The following FGF13 variants were observed in gnomAD, a reference collection of about 807,000 sequenced individuals.
FGF13 encodes the protein fibroblast growth factor 13.
A neutral mutation model predicts 19.5 loss-of-function variants in FGF13; 2 were observed. The observed-to-expected ratio is 0.10, with a 90% CI of 0.04 to 0.32. The LOEUF (loss-of-function observed/expected upper bound fraction) is 0.32. Ranked by LOEUF, FGF13 falls within the 10% of genes least tolerant of loss-of-function variation. The probability of loss-of-function intolerance (pLI) is 1.00; values close to 1 mark genes in which losing one functional copy is unlikely to be tolerated. For synonymous variants in FGF13, 72 were observed against 76.9 expected (o/e 0.94, Z 0.33); for missense variants, 113 against 192.7 (o/e 0.59, Z 2.45).
At chrX:138,838,195 G>T (rs890675839) in intron 3 of FGF13, among the ~76,000 whole-genome samples, 19 of 111,961 alleles carry the variant, frequency 1.7e-4, no homozygotes, top group African/African-American at 5.8e-4. Flanking sequence ...ATCCTGTGAG[G>T]CACAGTGGAA....
chrX:138,849,852 A>G (rs918091466), intron 3 of FGF13, among the ~76,000 whole-genome samples: 2 of 112,003 alleles, frequency 1.8e-5, no homozygotes, highest in African/African-American at 3.2e-5. Context: ...TTGACTTTTT[A>G]AAATCAAAAT....
intron 3 of FGF13, among the ~76,000 whole-genome samples, chrX:138,805,482 A>G (rs1261105494): frequency 9.0e-6 from 1 of 111,215 alleles, no homozygotes; most frequent in Non-Finnish European, 1.9e-5. Flanking sequence ...TAAATGCAAC[A>G]TTTGATTGGA....
Position 139,020,725 on chromosome X carries a change from C to T in FGF13, c.-112-156075G>A, listed in dbSNP as rs140367402. ...AATAATGTGATTAATGGTCAAGTCA[C>T]ATTCTTTAGTTTCTGTTCTTCCCAA... On this transcript the variant is annotated intron_variant, in intron 1 of 2. Coordinates refer to the FGF13 transcript ENST00000421460. 9.4e-3 allele frequency among the ~76,000 whole-genome samples: 1,050 copies of T among 111,671 alleles called. 10 individuals carry two copies. Among genetic ancestry groups the T allele is most frequent in the African/African-American group, 0.032 (974 of 30,764 alleles).
At chrX:138,992,207 T>A (rs1945204833) in intron 1 of FGF13, among the ~76,000 whole-genome samples, 1 of 111,170 alleles carries the variant, frequency 9.0e-6, no homozygotes, top group Non-Finnish European at 1.9e-5. Context: ...AGCTGTCGAT[T>A]TAGGAGTTCT....
intron 3 of FGF13, among the ~76,000 whole-genome samples, chrX:138,837,462 G>A (rs149587024): frequency 2.1e-4 from 24 of 111,953 alleles, no homozygotes; most frequent in African/African-American, 7.8e-4. Flanking sequence ...CCACATTTTC[G>A]TGGGTCTACT....
At chrX:138,751,110 T>A (rs753874145) in intron 3 of FGF13, among the ~76,000 whole-genome samples, 2 of 111,556 alleles carry the variant, frequency 1.8e-5, no homozygotes, top group Non-Finnish European at 3.8e-5. Context: ...CTGGCTTTTG[T>A]CATTAGAAGA....
chrX:138,796,448 C>T (rs924700519), intron 3 of FGF13, among the ~76,000 whole-genome samples: 1 of 112,148 alleles, frequency 8.9e-6, no homozygotes, highest in Non-Finnish European at 1.9e-5. Flanking sequence ...GTATGTGCCA[C>T]ATTTTCTTTA....
chrX:138,784,219 G>A (rs1244651046), intron 3 of FGF13, among the ~76,000 whole-genome samples: 1 of 99,304 alleles, frequency 1.0e-5, no homozygotes, highest in Non-Finnish European at 2.0e-5. Context: ...AATGCTAGAT[G>A]ACGAGTTAGT....
intron 1 of FGF13, among the ~76,000 whole-genome samples, chrX:139,087,763 TTC>T (rs2083413637): frequency 8.9e-6 from 1 of 112,001 alleles, no homozygotes; most frequent in African/African-American, 3.3e-5. Context: ...ACACAGCAGT[TTC>T]TGTGTCTGTG....
rs184263910 is a variant in FGF13, at chrX:139,045,284, C to T, written c.-113+158132G>A. The stretch of plus-strand genomic sequence containing the variant: ...TGAGGGTGTGCAGAGCAGTGAAGCC[C>T]TGGGCCTGGCCCATGAATCCATTCC... On this transcript the variant is annotated intron_variant, in intron 1 of 2. Coordinates refer to the FGF13 transcript ENST00000421460. Among the ~76,000 whole-genome samples, 407 of 112,344 alleles carry T rather than the reference C, an allele frequency of 3.6e-3. 2 individuals are homozygous for T. Among genetic ancestry groups the T allele is most frequent in the Non-Finnish European group, 6.0e-3 (321 of 53,243 alleles).
At chrX:139,035,998 G>C (rs2092249245) in intron 1 of FGF13, among the ~76,000 whole-genome samples, 1 of 111,947 alleles carries the variant, frequency 8.9e-6, no homozygotes, top group African/African-American at 3.2e-5. Context: ...CAAGGGACCA[G>C]TAAGTAAACC....
intron 1 of FGF13, among the ~76,000 whole-genome samples, chrX:138,866,084 G>A (rs767737091): frequency 5.3e-5 from 6 of 112,724 alleles, no homozygotes; most frequent in Non-Finnish European, 9.4e-5. Flanking sequence ...TGACATCCAC[G>A]AGAAAGGGGA....
Position 138,618,082 on chromosome X carries a change from A to G in FGF13, c.*14768T>C, listed in dbSNP as rs1430205584. 1 of 112,458 alleles carries G rather than the reference A, an allele frequency of 8.9e-6. No homozygotes were observed. The highest frequency in any genetic ancestry group is 3.2e-5 in the African/African-American group (1 of 30,952). The allele number at this position is 112,458 out of a possible 1,213,427, so 9.3% of individuals were successfully genotyped here. On this transcript the variant is annotated 3_prime_UTR_variant, in exon 5 of 5. Coordinates refer to ENST00000315930, the MANE Select transcript of FGF13 (RefSeq NM_004114.5). ...GGTGATGTCAGCAAGATGGCAGAAC[A>G]GGAATTTTCTCCTGTCATTTCCCCA...
chrX:138,623,297 G>A lies in FGF13; in HGVS notation c.*9553C>T, dbSNP rs2089029462. On this transcript the variant is annotated 3_prime_UTR_variant, in exon 5 of 5. Coordinates refer to ENST00000315930, the MANE Select transcript of FGF13 (RefSeq NM_004114.5). ...GTAGTGTCCTTGTCTGGAATGGTATGAGAATAATGCTGGCTTCATAAAATG... is the reference window on the plus strand; with the variant it reads ...GTAGTGTCCTTGTCTGGAATGGTATAAGAATAATGCTGGCTTCATAAAATG... 3 of 111,284 alleles carry A rather than the reference G, an allele frequency of 2.7e-5. No homozygotes were observed. The Admixed American group carries it at 2.9e-4, about 11-fold the overall frequency. The allele number at this position is 111,284 out of a possible 1,213,427, so 9.2% of individuals were successfully genotyped here. A position where few individuals can be genotyped will look rare whatever the true frequency, so the allele number is the denominator to read the frequency against.
intron 1 of FGF13, among the ~76,000 whole-genome samples, chrX:139,028,582 CGTGTGTGTGT>C (rs1203709668): frequency 0.033 from 2,047 of 61,590 alleles, 90 homozygotes; most frequent in African/African-American, 0.11. Context: ...GGAGAGAGAG[CGTGTGTGTGT>C]GTGTGTGTGT....
At chrX:138,644,690 CA>C (rs1281774877) in intron 3 of FGF13, among the ~76,000 whole-genome samples, 2 of 111,827 alleles carry the variant, frequency 1.8e-5, no homozygotes, top group Non-Finnish European at 3.8e-5. Context: ...TCTGCTTCTT[CA>C]AAAACTTTGA....
intron 1 of FGF13, among the ~76,000 whole-genome samples, chrX:139,161,841 A>AC (rs1344609986): frequency 1.1e-4 from 12 of 111,745 alleles, no homozygotes; most frequent in African/African-American, 3.9e-4. Flanking sequence ...AATACAACTT[A>AC]AAGGGATGTG....
chrX:138,943,395 T>C (rs1403450598), intron 1 of FGF13, among the ~76,000 whole-genome samples: 1 of 112,464 alleles, frequency 8.9e-6, no homozygotes, highest in African/African-American at 3.2e-5. Flanking sequence ...AGCCCTGCAA[T>C]TGAGCCCATA....
chrX:138,849,874 A>C lies in FGF13; in HGVS notation c.217+7638T>G, dbSNP rs187456664. On this transcript the variant is annotated intron_variant, in intron 3 of 6. Coordinates refer to the FGF13 transcript ENST00000436198. ...TTTAAAATCAAAATCACCAGCATACACTGTCATTCATCTAGTAGAACTTTC... is the reference window on the plus strand; with the variant it reads ...TTTAAAATCAAAATCACCAGCATACCCTGTCATTCATCTAGTAGAACTTTC... Among the ~76,000 whole-genome samples, 52 of 111,960 alleles carry C rather than the reference A, an allele frequency of 4.6e-4. No homozygotes were observed. In the East Asian group the frequency reaches 0.013, roughly 27 times the overall value.
Sources: allele counts gnomAD v4.1 joint callset (sites outside exome capture counted in the v4.1 genomes callset), GRCh38; gene constraint gnomAD v4.1.1; transcripts MANE v1.5; gene names NCBI Gene and HGNC (gene_info 2026-07-23, HGNC 2026-07-21).